Variants in TANC1 observed in about 807,000 individuals in gnomAD.
The protein encoded by TANC1 is tetratricopeptide repeat, ankyrin repeat and coiled-coil containing 1.
In TANC1, 77 loss-of-function variants were observed where a neutral mutation model predicts 149.7. That is an observed-to-expected ratio of 0.51 (90% CI 0.43 to 0.62). TANC1 has a LOEUF of 0.62. Ranked by LOEUF, TANC1 falls within the 20% of genes least tolerant of loss-of-function variation. The pLI, the probability that TANC1 is intolerant of heterozygous loss-of-function variation, is 0.00. For missense variants in TANC1, 1,985 were observed against 2,321.8 expected, an observed-to-expected ratio of 0.85 and a Z score of 2.98; for synonymous variants, 854 against 925.0, an observed-to-expected ratio of 0.92 and a Z score of 1.39.
intron 21 of TANC1, 153 bp from the exon 22 acceptor site, chr2:159,219,539 G>A (rs1040410963): frequency 8.0e-7 from 1 of 1,248,978 alleles, no homozygotes; most frequent in African/African-American, 1.5e-5. Context: ...CAGCAGCGAT[G>A]ACCATTCTGC....
In TANC1 at chr2:159,196,655, C is replaced by T. The variant is rs1215802623; in HGVS notation, c.3027C>T (p.Ala1009=). 2 of 1,613,866 alleles carry T rather than the reference C, an allele frequency of 1.2e-6. No homozygotes were observed. The highest frequency in any genetic ancestry group is 3.3e-5 in the Admixed American group (2 of 59,978). ...GCCAGTGTGCGCTTGTCCACAGTGC[C>T]CTACGGGGCCACGGTGACATTCTCC... ...KKGQCALVHS[A]LRGHGDILQY... The change falls in exon 18 of 27, where the codon GCC becomes GCT. Residue 1009 remains alanine, a synonymous_variant. Transcript: ENST00000263635.
intron 3 of TANC1, among the ~76,000 whole-genome samples, chr2:159,097,024 G>A (rs2046215256): frequency 6.6e-6 from 1 of 152,112 alleles, no homozygotes; most frequent in Non-Finnish European, 1.5e-5. Flanking sequence ...GGGGTGGAGT[G>A]TCAAGCGGAA....
At chr2:159,050,203 G>T (rs1239461652) in intron 2 of TANC1, among the ~76,000 whole-genome samples, 1 of 152,080 alleles carries the variant, frequency 6.6e-6, no homozygotes, top group Non-Finnish European at 1.5e-5. Context: ...GAACACCTGG[G>T]CTCAAATGAG....
chr2:159,051,855 C>T (rs931813378), intron 2 of TANC1, among the ~76,000 whole-genome samples: 3 of 152,234 alleles, frequency 2.0e-5, no homozygotes, highest in Admixed American at 6.5e-5. Context: ...AAGAGTATTG[C>T]GCTCTTGCAG....
intron 24 of TANC1, chr2:159,226,220 G>A (rs1025341345): frequency 1.7e-5 from 3 of 180,418 alleles, no homozygotes; most frequent in Admixed American, 6.2e-5. Flanking sequence ...CCTCATGCCC[G>A]TTGTTGGCTT....
chr2:159,195,747 T>G (rs1026799354), intron 17 of TANC1, among the ~76,000 whole-genome samples: 1 of 152,210 alleles, frequency 6.6e-6, no homozygotes, highest in Admixed American at 6.5e-5. Flanking sequence ...GGATGGCAGC[T>G]GGGCTTTACA....
chr2:159,168,102 T>A (rs2054793487), intron 8 of TANC1, among the ~76,000 whole-genome samples: 1 of 152,188 alleles, frequency 6.6e-6, no homozygotes, highest in South Asian at 2.1e-4. Flanking sequence ...AGATCAACAG[T>A]ACTTCATGTT....
intron 2 of TANC1, among the ~76,000 whole-genome samples, chr2:159,064,383 T>G (rs2042495613): frequency 6.6e-6 from 1 of 152,228 alleles, no homozygotes; most frequent in South Asian, 2.1e-4. Flanking sequence ...TAAGATGATT[T>G]TACTCCGATA....
At chr2:159,124,607 G>C (rs1460198014) in intron 4 of TANC1, among the ~76,000 whole-genome samples, 2 of 152,174 alleles carry the variant, frequency 1.3e-5, no homozygotes, top group East Asian at 1.9e-4. Flanking sequence ...GAGTTCCTTA[G>C]ACAAACTCTG....
intron 1 of TANC1, among the ~76,000 whole-genome samples, chr2:158,999,194 A>C (rs2149317494): frequency 1.3e-5 from 2 of 152,316 alleles, no homozygotes; most frequent in African/African-American, 4.8e-5. Flanking sequence ...AATGGTGTGC[A>C]CAAAGCTTTC....
At chr2:159,210,620 G>A (rs2058919886) in intron 19 of TANC1, among the ~76,000 whole-genome samples, 1 of 151,732 alleles carries the variant, frequency 6.6e-6, no homozygotes, top group South Asian at 2.1e-4. Context: ...AGGCTGGAGT[G>A]CAGTGGCGAG....
intron 16 of TANC1, among the ~76,000 whole-genome samples, chr2:159,188,777 C>G (rs1395029266): frequency 6.6e-6 from 1 of 152,252 alleles, no homozygotes; most frequent in Non-Finnish European, 1.5e-5. Context: ...GATCGTATTG[C>G]CTCGCATATC....
chr2:159,196,832 G>C, intron 18 of TANC1, 39 bp downstream of exon 18: 4 of 1,561,518 alleles, frequency 2.6e-6, no homozygotes, highest in African/African-American at 1.4e-5. Context: ...GAAACAAGAA[G>C]CTGTAGCCCA....
At position 159,074,716 on chromosome 2, in the gene TANC1, T is replaced by A. The variant is rs569658592; in HGVS notation, c.61+8745T>A. On this transcript the variant is annotated intron_variant, in intron 3 of 26. Transcript: ENST00000263635. ...TTTGATAGTACATCTTCGTGTTGTC[T>A]TAGTCTGCTTGAGCTGCCGTAACAA... Among the ~76,000 whole-genome samples the A allele has an allele frequency of 2.0e-5, 3 of 152,282 alleles. No homozygotes were observed. In the South Asian group the frequency reaches 6.2e-4, roughly 32 times the overall value.
At chr2:159,162,049 C>T (rs2054099803) in intron 7 of TANC1, among the ~76,000 whole-genome samples, 1 of 152,178 alleles carries the variant, frequency 6.6e-6, no homozygotes. Context: ...GCTGCAGCAG[C>T]AGGAGGAGTA....
chr2:159,035,820 C>G (rs1002001193), intron 2 of TANC1, among the ~76,000 whole-genome samples: 4 of 152,196 alleles, frequency 2.6e-5, no homozygotes, highest in African/African-American at 7.2e-5. Flanking sequence ...TCAGAAAGGA[C>G]TTTTCCCCTG....
intron 22 of TANC1, 120 bp downstream of exon 22, chr2:159,219,987 TGTG>T: frequency 1.7e-6 from 1 of 572,226 alleles, no homozygotes; most frequent in Non-Finnish European, 2.7e-6. Flanking sequence ...AGTGTGTGTG[TGTG>T]TGTGTGTGTG....
Position 159,161,392 on chromosome 2 carries a change from T to C in TANC1, c.683-1891T>C, listed in dbSNP as rs957521431. Among the ~76,000 whole-genome samples the C allele has an allele frequency of 4.6e-5, 7 of 152,254 alleles. No homozygotes were observed. In the South Asian group the frequency reaches 6.2e-4, roughly 14 times the overall value. Reference sequence around the variant, plus strand: ...TGGAGTAGCCTGTGAACCTAACTTATTACAATATGTCTGAGAAAAGCATTT... The same window carrying C: ...TGGAGTAGCCTGTGAACCTAACTTACTACAATATGTCTGAGAAAAGCATTT... On this transcript the variant is annotated intron_variant, in intron 7 of 26. Coordinates refer to ENST00000263635, the MANE Select transcript of TANC1 (RefSeq NM_033394.3).
chr2:158,993,046 A>G (rs2035820939), intron 1 of TANC1, among the ~76,000 whole-genome samples: 2 of 152,130 alleles, frequency 1.3e-5, no homozygotes, highest in Admixed American at 1.3e-4. Flanking sequence ...CAGGGCAGAG[A>G]GAAAATATTT....
Sources: gnomAD v4.1 joint callset for allele counts (sites outside exome capture counted in the v4.1 genomes callset) on GRCh38, gnomAD v4.1.1 for gene constraint, MANE v1.5 for transcripts, NCBI Gene and HGNC (gene_info 2026-07-23, HGNC 2026-07-21) for gene names.